SLC7A6: variants seen among roughly 807,000 people sequenced by gnomAD.
SLC7A6 encodes solute carrier family 7 member 6.
In SLC7A6, 29 loss-of-function variants were observed where a neutral mutation model predicts 46.6. The ratio of observed to expected loss-of-function variants is 0.62; its 90% CI spans 0.46 to 0.85. The LOEUF (loss-of-function observed/expected upper bound fraction) is 0.85, where lower values mean the gene tolerates loss of function less well. SLC7A6 is among the 40% of genes least tolerant of loss of function. SLC7A6 has a pLI of 0.00. For synonymous variants in SLC7A6, 276 were observed against 257.3 expected (o/e 1.07, Z -0.70); for missense variants, 527 against 647.6 (o/e 0.81, Z 2.02).
chr16:68,272,806 G>C (rs2042644504), intron 2 of SLC7A6, among the ~76,000 whole-genome samples: 3 of 152,198 alleles, frequency 2.0e-5, no homozygotes, highest in Admixed American at 2.0e-4. Flanking sequence ...TTCTCTGCTT[G>C]TCTCCATGTT....
At chr16:68,277,115 C>T (rs536180792) in intron 3 of SLC7A6, among the ~76,000 whole-genome samples, 9 of 151,260 alleles carry the variant, frequency 6.0e-5, no homozygotes, top group Non-Finnish European at 1.2e-4. Flanking sequence ...GAGATAGAGT[C>T]TTGCTCTGTC....
chr16:68,282,174 C>A (rs1470981020), intron 3 of SLC7A6, among the ~76,000 whole-genome samples: 1 of 152,168 alleles, frequency 6.6e-6, no homozygotes, highest in Non-Finnish European at 1.5e-5. Context: ...TGATACGGGG[C>A]TAGGGAGGAC....
chr16:68,294,821 CG>C lies in SLC7A6; in HGVS notation c.1119+24del. ...TTCAATGTAAGCTTTGCTGGGACCACGGGGCTCAGGTGGATCTGTGCATTGC... is the reference window on the plus strand; with the variant it reads ...TTCAATGTAAGCTTTGCTGGGACCACGGGCTCAGGTGGATCTGTGCATTGC... On this transcript the variant is annotated intron_variant, in intron 8 of 10. Coordinates refer to ENST00000219343, the MANE Select transcript of SLC7A6 (RefSeq NM_003983.6). The C allele has an allele frequency of 1.3e-6, 2 of 1,557,842 alleles. No individual in the cohort carries two copies. The highest frequency in any genetic ancestry group is 1.8e-6 in the Non-Finnish European group (2 of 1,128,876).
intron 3 of SLC7A6, among the ~76,000 whole-genome samples, chr16:68,286,812 T>C (rs903315100): frequency 4.6e-5 from 7 of 152,040 alleles, no homozygotes; most frequent in African/African-American, 1.7e-4. Context: ...TGGGTAGGAA[T>C]GAGGGTGGAA....
chr16:68,291,773 G>A lies in SLC7A6; in HGVS notation c.1022+112G>A. 6.1e-6 allele frequency: 4 copies of A among 651,290 alleles called. No individual in the cohort carries two copies. In the Admixed American group the frequency reaches 1.1e-4, roughly 18 times the overall value. 40.3% of individuals were successfully genotyped at this position (651,290 alleles called of 1,614,324 possible). On this transcript the variant is annotated intron_variant, in intron 7 of 10. Coordinates refer to ENST00000219343, the MANE Select transcript of SLC7A6 (RefSeq NM_003983.6). ...TCATGGGCATATAGGGTGTGTGTGT[G>A]TGTGTGTGTGTGTGTGTGTGTGTGT...
chr16:68,285,128 C>T (rs2151223669), intron 3 of SLC7A6, among the ~76,000 whole-genome samples: 1 of 152,130 alleles, frequency 6.6e-6, no homozygotes, highest in East Asian at 1.9e-4. Context: ...GGTTTCTGTC[C>T]CTTTGTTACT....
intron 3 of SLC7A6, among the ~76,000 whole-genome samples, chr16:68,286,456 G>A (rs1199549709): frequency 6.6e-6 from 1 of 152,190 alleles, no homozygotes; most frequent in East Asian, 1.9e-4. Flanking sequence ...AAGAGAGAGA[G>A]TCTGGCTGAA....
chr16:68,293,258 A>G (rs1179919478), intron 7 of SLC7A6, among the ~76,000 whole-genome samples: 1 of 152,132 alleles, frequency 6.6e-6, no homozygotes, highest in African/African-American at 2.4e-5. Flanking sequence ...TCTACTAAAA[A>G]TACAAAAAAA....
chr16:68,292,347 C>G (rs1282600968), intron 7 of SLC7A6: 1 of 152,170 alleles, frequency 6.6e-6, no homozygotes, highest in Admixed American at 6.5e-5. Flanking sequence ...TACTTGGGCT[C>G]GGGGTTCCAG....
At chr16:68,284,320 A>G (rs1884632018) in intron 3 of SLC7A6, 1 of 152,190 alleles carries the variant, frequency 6.6e-6, no homozygotes, top group Non-Finnish European at 1.5e-5. Context: ...AGTGAGCACG[A>G]ACTATTTTTA....
chr16:68,292,992 C>A (rs1035777110), intron 7 of SLC7A6, among the ~76,000 whole-genome samples: 1 of 152,214 alleles, frequency 6.6e-6, no homozygotes, highest in Non-Finnish European at 1.5e-5. Context: ...GCCATGTGAA[C>A]ACACAGAAGC....
chr16:68,272,439 A>AAG (rs374331421), intron 2 of SLC7A6, among the ~76,000 whole-genome samples: 1 of 152,022 alleles, frequency 6.6e-6, no homozygotes, highest in Admixed American at 6.6e-5. Flanking sequence ...TTGAATAAAA[A>AAG]AGAGAGAGAG....
rs941475891 is a variant in SLC7A6 at position 68,291,617 on chromosome 16, G to T, written c.978G>T (p.Leu326=). Residue 326 remains leucine, a synonymous_variant, in exon 7 of 11, where the codon CTG becomes CTT. Transcript: ENST00000219343. ...GGACCATCCCCATTGCTGTTGCCCT[G>T]TCCTGCTTTGGGGGCCTCAATGCAT... is the stretch of plus-strand genomic sequence containing the variant. ...FSWTIPIAVA[L]SCFGGLNASI... 6.2e-7 allele frequency: 1 copy of T among 1,614,016 alleles called. No homozygotes were observed. Among genetic ancestry groups the T allele is most frequent in the Non-Finnish European group, 8.5e-7 (1 of 1,180,030 alleles).
chr16:68,278,887 C>T (rs1163796249), intron 3 of SLC7A6, among the ~76,000 whole-genome samples: 2 of 152,156 alleles, frequency 1.3e-5, no homozygotes, highest in Non-Finnish European at 1.5e-5. Context: ...GAAGGGGCGG[C>T]CGGGCAGAGG....
intron 2 of SLC7A6, among the ~76,000 whole-genome samples, chr16:68,271,811 T>C (rs2042628345): frequency 6.7e-6 from 1 of 149,752 alleles, no homozygotes; most frequent in African/African-American, 2.5e-5. Context: ...TTTCTTTTCT[T>C]TTTTTTTTTG....
intron 2 of SLC7A6, among the ~76,000 whole-genome samples, chr16:68,271,173 T>C (rs2042617734): frequency 6.6e-6 from 1 of 152,038 alleles, no homozygotes; most frequent in South Asian, 2.1e-4. Flanking sequence ...TTCATTTTTT[T>C]ATAGAGACGG....
chr16:68,281,765 G>A (rs2042833274), intron 3 of SLC7A6, among the ~76,000 whole-genome samples: 1 of 152,212 alleles, frequency 6.6e-6, no homozygotes, highest in African/African-American at 2.4e-5. Flanking sequence ...TGCCTTGGGT[G>A]TTGTCAGCCC....
At chr16:68,267,268 C>T (rs1276376125) in intron 2 of SLC7A6, among the ~76,000 whole-genome samples, 3 of 134,636 alleles carry the variant, frequency 2.2e-5, no homozygotes, top group Non-Finnish European at 4.5e-5. Flanking sequence ...TGGCGGAGTG[C>T]AATGGTGCGA....
chr16:68,287,346 TTTACCTCAC>T (rs772633097), intron 3 of SLC7A6: 1 of 1,290,710 alleles, frequency 7.7e-7, no homozygotes, highest in South Asian at 1.2e-5. Flanking sequence ...TGCATTCAAA[TTTACCTCAC>T]TTACTGATGA....
Sources: allele counts gnomAD v4.1 joint callset (sites outside exome capture counted in the v4.1 genomes callset), GRCh38; gene constraint gnomAD v4.1.1; transcripts MANE v1.5; gene names NCBI Gene and HGNC (gene_info 2026-07-23, HGNC 2026-07-21).